Variants in DOP1A observed in about 807,000 individuals in gnomAD.
DOP1A encodes DOP1 leucine zipper like protein A.
Under a neutral mutation model 267.6 loss-of-function variants are expected in DOP1A, and 90 were observed. The observed-to-expected ratio is 0.34, with a 90% CI of 0.28 to 0.40. DOP1A has a LOEUF of 0.40. Ranked by LOEUF, DOP1A falls within the 10% of genes least tolerant of loss-of-function variation. The pLI is 1.00. For missense variants in DOP1A, 2,437 were observed against 2,900.4 expected, an observed-to-expected ratio of 0.84 and a Z score of 3.67; for synonymous variants, 932 against 999.1, an observed-to-expected ratio of 0.93 and a Z score of 1.27.
chr6:83,130,895 C>T (rs1398366487), intron 17 of DOP1A, among the ~76,000 whole-genome samples: 4 of 151,800 alleles, frequency 2.6e-5, no homozygotes, highest in African/African-American at 4.8e-5. Flanking sequence ...TGTGCCACCA[C>T]GCCCAGCTAA....
downstream of DOP1A, chr6:83,169,138 C>T: frequency 6.5e-7 from 1 of 1,546,056 alleles, no homozygotes. Context: ...GCATTGTAAA[C>T]ATTATGATTA....
chr6:83,125,393 T>G, intron 14 of DOP1A, 107 bp from the exon 15 acceptor site: 1 of 1,111,778 alleles, frequency 9.0e-7, no homozygotes, highest in Non-Finnish European at 1.3e-6. Context: ...ATGATGCATA[T>G]AAAACATTAT....
rs970503246 is a variant in DOP1A at position 83,155,988 on chromosome 6, C to G, written c.6489C>G (p.Leu2163=). ...TGGCTCAAAGCAGTTCACTTAATCT[C>G]TTTGCAAACCGTGATGTGGAGCTAG... ...VAVAQSSSLN[L]FANRDVELEQ... Residue 2163 remains leucine (L), a synonymous_variant, in exon 34 of 39, where the codon CTC becomes CTG. Transcript: ENST00000349129. 1 of 1,614,022 alleles carries G rather than the reference C, an allele frequency of 6.2e-7. No individual in the cohort carries two copies. The highest frequency in any genetic ancestry group is 8.5e-7 in the Non-Finnish European group (1 of 1,179,954).
chr6:83,075,768 T>C (rs1027153413), intron 1 of DOP1A, among the ~76,000 whole-genome samples: 5 of 152,154 alleles, frequency 3.3e-5, no homozygotes, highest in African/African-American at 1.2e-4. Context: ...CACCAGATAG[T>C]GTTGGGAAAA....
At chr6:83,154,734 C>CA (rs1290836597) in intron 33 of DOP1A, among the ~76,000 whole-genome samples, 1 of 152,016 alleles carries the variant, frequency 6.6e-6, no homozygotes, top group Non-Finnish European at 1.5e-5. Flanking sequence ...AATCACCCCC[C>CA]ACCCCCTCTT....
In DOP1A at chr6:83,162,939, T is replaced by C. The variant is rs1409257624; in HGVS notation, c.7092+20T>C. 6.2e-7 allele frequency: 1 copy of C among 1,605,108 alleles called. No homozygotes were observed. Among genetic ancestry groups the C allele is most frequent in the East Asian group, 2.2e-5 (1 of 44,816 alleles). ...GCAAAGGTATCGCATTCTTTTGTGA[T>C]TGTTTTGTTTTACATCACTACATGT... On this transcript the variant is annotated intron_variant, in intron 38 of 38. Coordinates refer to ENST00000349129, the MANE Select transcript of DOP1A (RefSeq NM_015018.4).
chr6:83,163,039 A>G, intron 38 of DOP1A, 120 bp downstream of exon 38: 2 of 1,166,290 alleles, frequency 1.7e-6, no homozygotes, highest in Non-Finnish European at 2.4e-6. Context: ...TTTGAAAACA[A>G]GTCCCCAGTT....
Position 83,140,023 on chromosome 6 carries a change from T to C in DOP1A, c.5144T>C (p.Ile1715Thr). 1 of 1,613,490 alleles carries C rather than the reference T, an allele frequency of 6.2e-7. No individual in the cohort carries two copies. The highest frequency in any genetic ancestry group is 1.1e-5 in the South Asian group (1 of 91,024). The change falls in exon 22 of 39, where the codon ATT (isoleucine) becomes ACT (threonine). Residue 1715 changes from isoleucine to threonine, a missense_variant. Transcript: ENST00000349129. The part of the protein sequence containing the change: ...DSRPLWMASI[I>T]PPDMILTLLE... ...AGGCCTCTGTGGATGGCATCAATTA[T>C]TCCACCAGATATGATTCTTACTCTT...
chr6:83,155,213 G>A (rs377090170), intron 33 of DOP1A, among the ~76,000 whole-genome samples: 4 of 151,336 alleles, frequency 2.6e-5, no homozygotes, highest in East Asian at 1.9e-4. Context: ...TGTAATCCTA[G>A]CACTTTGACA....
intron 1 of DOP1A, among the ~76,000 whole-genome samples, chr6:83,088,604 G>A (rs1167130666): frequency 6.6e-6 from 1 of 151,796 alleles, no homozygotes; most frequent in Non-Finnish European, 1.5e-5. Context: ...TGTGTTTCTA[G>A]TAGAGACGGG....
chr6:83,117,841 G>A (rs1775715102), intron 7 of DOP1A, among the ~76,000 whole-genome samples: 1 of 152,202 alleles, frequency 6.6e-6, no homozygotes, highest in South Asian at 2.1e-4. Flanking sequence ...AGGCATTTGT[G>A]TTCAAAGGAG....
At chr6:83,112,973 A>C (rs1774820347) in intron 6 of DOP1A, among the ~76,000 whole-genome samples, 1 of 152,166 alleles carries the variant, frequency 6.6e-6, no homozygotes, top group Non-Finnish European at 1.5e-5. Flanking sequence ...TTAAGAAATG[A>C]AGCTCTTTAA....
chr6:83,071,645 C>G (rs1463301787), intron 1 of DOP1A, among the ~76,000 whole-genome samples: 2 of 151,740 alleles, frequency 1.3e-5, no homozygotes, highest in Non-Finnish European at 1.5e-5. Context: ...TTTATCTGTG[C>G]AATAATTGAG....
chr6:83,108,801 T>C, intron 4 of DOP1A, 109 bp from the exon 5 acceptor site: 1 of 1,055,092 alleles, frequency 9.5e-7, no homozygotes, highest in Non-Finnish European at 1.3e-6. Context: ...TTTAAGCCAA[T>C]CAGTATAACT....
At position 83,166,223 on chromosome 6, in the gene DOP1A, C is replaced by T. The variant is rs1785508745; in HGVS notation, c.7093-1639C>T. 1.6e-5 allele frequency: 8 copies of T among 504,084 alleles called. No individual in the cohort carries two copies. In the South Asian group the frequency reaches 2.4e-4, roughly 15 times the overall value. The allele number at this position is 504,084 out of a possible 1,614,324, so 31.2% of individuals were successfully genotyped here. ...TTTTCAATTTGCTTCAAATGCCGAA[C>T]GACCATAAAATGGTCAACATTGAGT... On this transcript the variant is annotated intron_variant, in intron 38 of 38. Transcript: ENST00000349129.
chr6:83,138,244 A>G lies in DOP1A; in HGVS notation c.4202A>G (p.Asn1401Ser), dbSNP rs1175660845. The G allele has an allele frequency of 6.2e-7, 1 of 1,613,368 alleles. No homozygotes were observed. The highest frequency in any genetic ancestry group is 1.1e-5 in the South Asian group (1 of 91,076). ...ILKTNPIAFV[N>S]AISTTSVNNA... ...AAAACTAACCCTATAGCTTTTGTAA[A>G]TGCCATTTCAACTACTAGTGTAAAT... Residue 1401 changes from asparagine to serine, a missense_variant, in exon 21 of 39, where the codon AAT becomes AGT. By Grantham distance (46) the Asn-to-Ser change is conservative (BLOSUM62 1). This residue lies in a region of DOP1A where 878 missense variants were observed against 992.9 expected (regional missense o/e 0.88). Coordinates refer to ENST00000349129, the MANE Select transcript of DOP1A (RefSeq NM_015018.4).
At chr6:83,110,338 C>T (rs751588357) in intron 6 of DOP1A, 24 bp downstream of exon 6, 12 of 1,601,092 alleles carry the variant, frequency 7.5e-6, no homozygotes, top group African/African-American at 1.3e-5. Context: ...TATGGTTGCT[C>T]ATTTCACAAA....
Position 83,125,246 on chromosome 6 carries a change from A to G in DOP1A, c.1485+51A>G, listed in dbSNP as rs529170771. 15 of 1,513,936 alleles carry G rather than the reference A, an allele frequency of 9.9e-6. No homozygotes were observed. The South Asian group carries it at 1.9e-4, about 20-fold the overall frequency. The allele number at this position is 1,513,936 out of a possible 1,614,324, so 93.8% of individuals were successfully genotyped here. On this transcript the variant is annotated intron_variant, in intron 14 of 38. Coordinates refer to ENST00000349129, the MANE Select transcript of DOP1A (RefSeq NM_015018.4). ...TTAAATGATTCTATTTACTTTTGTTATATTATAATTTTAGTAATGTAGCAG... is the reference window on the plus strand; with the variant it reads ...TTAAATGATTCTATTTACTTTTGTTGTATTATAATTTTAGTAATGTAGCAG...
chr6:83,153,677 T>C, intron 31 of DOP1A, 57 bp downstream of exon 31: 1 of 1,367,856 alleles, frequency 7.3e-7, no homozygotes, highest in Non-Finnish European at 1.0e-6. Context: ...TAGAAACAAG[T>C]TCTGTTCCCT....
Sources: allele counts gnomAD v4.1 joint callset (sites outside exome capture counted in the v4.1 genomes callset), GRCh38; gene constraint gnomAD v4.1.1; regional missense constraint gnomAD v4.1.1; transcripts MANE v1.5; gene names NCBI Gene and HGNC (gene_info 2026-07-23, HGNC 2026-07-21).